MYH9: variants seen among roughly 807,000 people sequenced by gnomAD.
MYH9 encodes the protein myosin heavy chain 9.
In MYH9, 29 loss-of-function variants were observed where a neutral mutation model predicts 241.9. That is an observed-to-expected ratio of 0.12 (90% confidence interval 0.09 to 0.16). The LOEUF is 0.16. Ranked by LOEUF, MYH9 falls within the 10% of genes least tolerant of loss-of-function variation. The pLI is 1.00. For missense variants in MYH9, 1,803 were observed against 2,595.5 expected (o/e 0.69, Z 6.63); for synonymous variants, 1,047 against 1,062.6 (o/e 0.99, Z 0.29).
Position 36,318,261 on chromosome 22 carries a change from G to C in MYH9, c.1173C>G (p.Thr391=). Reference sequence around the variant, plus strand: ...AATCCCGTCCCACCTTGATGCGCGGGGTGAGGATTCCTCTGGTGAAATCGG... The same window carrying C: ...AATCCCGTCCCACCTTGATGCGCGGCGTGAGGATTCCTCTGGTGAAATCGG... ...NVTDFTRGIL[T]PRIKVGRDYV... Residue 391 remains threonine, a synonymous_variant, in exon 11 of 41, where the codon ACC becomes ACG. Transcript: ENST00000216181. 6.2e-7 allele frequency: 1 copy of C among 1,614,162 alleles called. No homozygotes were observed. Among genetic ancestry groups the C allele is most frequent in the Non-Finnish European group, 8.5e-7 (1 of 1,180,042 alleles).
intron 19 of MYH9, among the ~76,000 whole-genome samples, chr22:36,302,974 G>A (rs2016906618): frequency 6.6e-6 from 1 of 152,236 alleles, no homozygotes; most frequent in African/African-American, 2.4e-5. Context: ...ATCCTACTCA[G>A]TGTGGGGACT....
At chr22:36,385,480 G>C (rs1337470640) in intron 1 of MYH9, among the ~76,000 whole-genome samples, 1 of 152,096 alleles carries the variant, frequency 6.6e-6, no homozygotes, top group Admixed American at 6.5e-5. Context: ...GAGCAAGAGC[G>C]GGCAAAAGGC....
At chr22:36,327,529 A>G (rs746598920) in intron 3 of MYH9, 41 bp from the exon 4 acceptor site, 1 of 1,613,024 alleles carries the variant, frequency 6.2e-7, no homozygotes, top group Non-Finnish European at 8.5e-7. Context: ...CGCCAGATGC[A>G]AAAGCCTCCC....
At position 36,294,072 on chromosome 22, in the gene MYH9, G is replaced by C. The variant is rs2016750203; in HGVS notation, c.3837+20C>G. On this transcript the variant is annotated intron_variant, in intron 28 of 40. Transcript: ENST00000216181. ...TGCTAGGGCCCACTGCCCGCGCCAGGGTCCTGGCGGAGGCCTCACCTGCAG... is the reference window on the plus strand; with the variant it reads ...TGCTAGGGCCCACTGCCCGCGCCAGCGTCCTGGCGGAGGCCTCACCTGCAG... 1.9e-6 allele frequency: 3 copies of C among 1,605,902 alleles called. No homozygotes were observed. Among genetic ancestry groups the C allele is most frequent in the Non-Finnish European group, 1.7e-6 (2 of 1,179,932 alleles).
At chr22:36,327,094 C>T (rs756587796) in intron 4 of MYH9, among the ~76,000 whole-genome samples, 34 of 152,206 alleles carry the variant, frequency 2.2e-4, no homozygotes, top group Non-Finnish European at 4.3e-4. Flanking sequence ...CCAGTGTCTA[C>T]TTCAATTCAG....
chr22:36,358,542 G>A (rs1378327477), intron 1 of MYH9, among the ~76,000 whole-genome samples: 1 of 151,996 alleles, frequency 6.6e-6, no homozygotes, highest in Admixed American at 6.6e-5. Flanking sequence ...CCTGGTGGAT[G>A]CACCATCACA....
At chr22:36,346,729 G>GA (rs1402656969) in intron 2 of MYH9, among the ~76,000 whole-genome samples, 10 of 152,098 alleles carry the variant, frequency 6.6e-5, no homozygotes, top group African/African-American at 2.4e-4. Flanking sequence ...CAGCCTCTAA[G>GA]AAATAGCTGG....
intron 21 of MYH9, 71 bp from the exon 22 acceptor site, chr22:36,301,128 GCCA>G: frequency 1.4e-6 from 2 of 1,445,512 alleles, no homozygotes; most frequent in Non-Finnish European, 1.9e-6. Flanking sequence ...AAGGACGGAC[GCCA>G]TGGCTCGGGA....
chr22:36,334,985 C>T (rs1569536322), intron 3 of MYH9, among the ~76,000 whole-genome samples: 1 of 152,224 alleles, frequency 6.6e-6, no homozygotes, highest in African/African-American at 2.4e-5. Context: ...AAAGGCAATA[C>T]GTGGCACTAT....
chr22:36,298,965 G>A lies in MYH9; in HGVS notation c.3054C>T (p.Leu1018=), dbSNP rs766890055. ...LTEEEEKSKS[L]AKLKNKHEAM... ...CCTCATGCTTGTTCTTGAGCTTGGC[G>A]AGGCTCTTAGATTTCTCCTCCTCTT... The change falls in exon 24 of 41, where the codon CTC becomes CTT. Residue 1018 remains leucine, a synonymous_variant. Transcript: ENST00000216181. 4.5e-5 allele frequency: 73 copies of A among 1,614,016 alleles called. No homozygotes were observed. Among genetic ancestry groups the A allele is most frequent in the Non-Finnish European group, 5.9e-5 (70 of 1,180,036 alleles).
chr22:36,316,694 G>T, intron 11 of MYH9, 25 bp from the exon 12 acceptor site: 1 of 1,613,066 alleles, frequency 6.2e-7, no homozygotes, highest in Admixed American at 1.7e-5. Context: ...CGGGGAGCGT[G>T]GTGTCAGATA....
intron 15 of MYH9, 81 bp downstream of exon 15, chr22:36,309,201 G>T: frequency 2.5e-6 from 3 of 1,200,156 alleles, no homozygotes; most frequent in Non-Finnish European, 3.7e-6. Context: ...CCCCTTGTTT[G>T]GCAGCTCGGC....
At chr22:36,374,499 G>A (rs919389501) in intron 1 of MYH9, among the ~76,000 whole-genome samples, 3 of 152,218 alleles carry the variant, frequency 2.0e-5, no homozygotes, top group Admixed American at 6.5e-5. Flanking sequence ...CAGCCTGGGC[G>A]ACAGAGTGAG....
chr22:36,307,572 GGA>G (rs1418647639), intron 15 of MYH9, among the ~76,000 whole-genome samples: 1 of 152,206 alleles, frequency 6.6e-6, no homozygotes, highest in Non-Finnish European at 1.5e-5. Context: ...GAGTGTGGAT[GGA>G]GCCTACAAAC....
chr22:36,363,068 C>G (rs961478863), intron 1 of MYH9, among the ~76,000 whole-genome samples: 1 of 152,178 alleles, frequency 6.6e-6, no homozygotes, highest in African/African-American at 2.4e-5. Flanking sequence ...AGCTGGAGGG[C>G]CCATCTCCCC....
rs765671920 is a variant in MYH9 at position 36,293,751 on chromosome 22, A to G, written c.3942+8T>C. On this transcript the variant is annotated splice_region_variant and intron_variant, in intron 29 of 40. Transcript: ENST00000216181. The surrounding 1 kb of genome is among the most constrained non-coding windows in gnomAD (Gnocchi z 5.1). ...GTCCACCTTCTGGGAACCTGGCGCC[A>G]CCCCTACCTGAGTGTCCTGCAGCTG... The G allele has an allele frequency of 6.8e-6, 11 of 1,612,816 alleles. No individual in the cohort carries two copies. The highest frequency in any genetic ancestry group is 9.3e-6 in the Non-Finnish European group (11 of 1,179,586).
At position 36,306,429 on chromosome 22, in the gene MYH9, G is replaced by A. The variant is rs1259162946; in HGVS notation, c.2022C>T (p.Pro674=). The change falls in exon 16 of 41, where the codon CCC becomes CCT. Residue 674 remains proline (P), a synonymous_variant. Coordinates refer to ENST00000216181, the MANE Select transcript of MYH9 (RefSeq NM_002473.6). The surrounding 1 kb of genome is among the most constrained non-coding windows in gnomAD (Gnocchi z 4.1). ...TNPNFVRCII[P]NHEKKAGKLD... ...GCAGCCGCACCTTCTTCTCGTGGTT[G>A]GGGATGATGCAGCGGACAAAGTTGG... 6.2e-7 allele frequency: 1 copy of A among 1,613,978 alleles called. No individual in the cohort carries two copies. The highest frequency in any genetic ancestry group is 8.5e-7 in the Non-Finnish European group (1 of 1,180,036).
In MYH9 at chr22:36,282,228, T is replaced by G; in HGVS notation, c.*440A>C. 19 of 330,172 alleles carry G rather than the reference T, an allele frequency of 5.8e-5. No individual in the cohort carries two copies. The highest frequency in any genetic ancestry group is 1.5e-4 in the East Asian group (3 of 20,228). The allele number at this position is 330,172 out of a possible 1,614,324, so 20.5% of individuals were successfully genotyped here. A position where few individuals can be genotyped will look rare whatever the true frequency, so the allele number is the denominator to read the frequency against. On this transcript the variant is annotated 3_prime_UTR_variant, in exon 41 of 41. Coordinates refer to ENST00000216181, the MANE Select transcript of MYH9 (RefSeq NM_002473.6). Reference sequence around the variant, plus strand: ...CAAACAGCAAAGAAAGGAGGAGGAGTGGGGGCGCTGGTGGCAGACGTCAGG... The same window carrying G: ...CAAACAGCAAAGAAAGGAGGAGGAGGGGGGGCGCTGGTGGCAGACGTCAGG...
chr22:36,307,459 A>G (rs1036409000), intron 15 of MYH9, among the ~76,000 whole-genome samples: 1 of 152,270 alleles, frequency 6.6e-6, no homozygotes, highest in Admixed American at 6.5e-5. Flanking sequence ...TGGATATAAA[A>G]GTGAAGAATA....
Sources: gnomAD v4.1 joint callset for allele counts (sites outside exome capture counted in the v4.1 genomes callset) on GRCh38, gnomAD v4.1.1 for gene constraint, Gnocchi (gnomAD v3.1) non-coding constraint, MANE v1.5 for transcripts, NCBI Gene and HGNC (gene_info 2026-07-23, HGNC 2026-07-21) for gene names.